The following USP8 variants were observed in gnomAD, a reference collection of about 807,000 sequenced individuals.
USP8 encodes ubiquitin carboxyl-terminal hydrolase 8.
Under a neutral mutation model 130.0 loss-of-function variants are expected in USP8, and 27 were observed. The ratio of observed to expected loss-of-function variants is 0.21; its 90% confidence interval spans 0.15 to 0.29. USP8 has a LOEUF of 0.29. USP8 is among the 10% of genes least tolerant of loss of function. USP8 has a pLI of 1.00. For missense variants in USP8, 1,029 were observed against 1,312.2 expected (o/e 0.78, Z 3.33); for synonymous variants, 392 against 444.1 (o/e 0.88, Z 1.48).
chr15:50,504,542 C>T lies in USP8; in HGVS notation c.*5454C>T, dbSNP rs1371118314. 1 of 152,122 alleles carries T rather than the reference C, an allele frequency of 6.6e-6. No homozygotes were observed. Among genetic ancestry groups the T allele is most frequent in the Admixed American group, 6.6e-5 (1 of 15,240 alleles). 9.4% of individuals were successfully genotyped at this position (152,122 alleles called of 1,614,324 possible). ...TGTCTCAAAAAACAAAAACAAAAAA[C>T]ACCAGAAAAGACACCATTTTATATA... On this transcript the variant is annotated 3_prime_UTR_variant, in exon 20 of 20. Transcript: ENST00000307179.
chr15:50,445,302 T>A (rs534389026), intron 3 of USP8, among the ~76,000 whole-genome samples: 28 of 151,618 alleles, frequency 1.8e-4, no homozygotes, highest in Admixed American at 1.4e-3. Flanking sequence ...TCCCAGCACT[T>A]TGGGAGGCTG....
chr15:50,451,326 G>A (rs1322513430), intron 4 of USP8, among the ~76,000 whole-genome samples: 1 of 152,096 alleles, frequency 6.6e-6, no homozygotes, highest in Non-Finnish European at 1.5e-5. Context: ...CAGGAGAATC[G>A]CTTCAGCCTG....
chr15:50,450,064 T>C (rs991333397), intron 4 of USP8, among the ~76,000 whole-genome samples: 2 of 151,268 alleles, frequency 1.3e-5, no homozygotes, highest in African/African-American at 4.9e-5. Flanking sequence ...CGGCTAATTT[T>C]TTGTATTTTT....
At chr15:50,449,566 A>G in intron 4 of USP8, 81 bp downstream of exon 4, 1 of 1,060,268 alleles carries the variant, frequency 9.4e-7, no homozygotes, top group Non-Finnish European at 1.3e-6. Flanking sequence ...TTTATATCTG[A>G]CGATTCATAT....
chr15:50,496,481 A>T (rs1016697965), intron 17 of USP8, among the ~76,000 whole-genome samples: 1 of 12,836 alleles, frequency 7.8e-5, no homozygotes, highest in Non-Finnish European at 1.4e-4. Flanking sequence ...ACTCCGTCTT[A>T]AAAAAAAAAA....
At chr15:50,497,462 T>TTAAA (rs1265329544) in intron 18 of USP8, 1 of 363,718 alleles carries the variant, frequency 2.7e-6, no homozygotes, top group East Asian at 4.3e-5. Context: ...CCTTATAATT[T>TTAAA]TAAATAATTA....
chr15:50,459,996 C>CTTTTTTTTTTT (rs1555386693), intron 5 of USP8, among the ~76,000 whole-genome samples: 4 of 91,986 alleles, frequency 4.3e-5, no homozygotes, highest in Non-Finnish European at 8.4e-5. Flanking sequence ...CACCCCCCCC[C>CTTTTTTTTTTT]TTTTTTTTTT....
intron 1 of USP8, among the ~76,000 whole-genome samples, chr15:50,426,086 A>T (rs1033315451): frequency 3.2e-4 from 49 of 152,196 alleles, no homozygotes; most frequent in African/African-American, 1.2e-3. Context: ...GCGTCATTGC[A>T]CTCCAGCCTG....
intron 6 of USP8, among the ~76,000 whole-genome samples, chr15:50,463,663 G>A (rs2051087913): frequency 1.3e-5 from 2 of 152,198 alleles, no homozygotes; most frequent in South Asian, 4.1e-4. Context: ...TCAGTGGTTT[G>A]TTAACAACTT....
Position 50,499,072 on chromosome 15 carries a change from CT to C in USP8, c.3342del (p.Asp1115MetfsTer2). 6.2e-7 allele frequency: 1 copy of C among 1,607,886 alleles called. No individual in the cohort carries two copies. The highest frequency in any genetic ancestry group is 8.5e-7 in the Non-Finnish European group (1 of 1,177,104). ...TATACTTCATTGGGACCACGAGTAA[CT>C]GATGTAGCCACATAAGGAGACATAG... ...LFYTSLGPRV[T>X]DVAT On this transcript the variant is annotated frameshift_variant, in exon 20 of 20. Transcript: ENST00000307179. LOFTEE classifies it high-confidence loss of function.
chr15:50,475,932 A>G (rs560394611), intron 8 of USP8, among the ~76,000 whole-genome samples: 241 of 152,224 alleles, frequency 1.6e-3, no homozygotes, highest in Non-Finnish European at 2.4e-3. Context: ...TTAAGTGATC[A>G]TTTCTAAGAT....
In USP8 at chr15:50,504,787, G is replaced by C. The variant is rs1371780894; in HGVS notation, c.*5699G>C. 1 of 151,516 alleles carries C rather than the reference G, an allele frequency of 6.6e-6. No individual in the cohort carries two copies. The highest frequency in any genetic ancestry group is 2.4e-5 in the African/African-American group (1 of 41,122). The allele number at this position is 151,516 out of a possible 1,614,324, so 9.4% of individuals were successfully genotyped here. On this transcript the variant is annotated 3_prime_UTR_variant, in exon 20 of 20. Coordinates refer to ENST00000307179, the MANE Select transcript of USP8 (RefSeq NM_005154.5). ...GAGGTCAGGAGTTCAAGACCAACCT[G>C]GTACACATGGTGAAACCCTGTCTCT...
At position 50,503,849 on chromosome 15, in the gene USP8, C is replaced by T. The variant is rs1009361231; in HGVS notation, c.*4761C>T. On this transcript the variant is annotated 3_prime_UTR_variant, in exon 20 of 20. Transcript: ENST00000307179. ...TCACAATTCAAAATAATAGAACATGCAAGGAAACAATTTATCATAAGAGTC... is the reference window on the plus strand; with the variant it reads ...TCACAATTCAAAATAATAGAACATGTAAGGAAACAATTTATCATAAGAGTC... The T allele has an allele frequency of 6.6e-6, 1 of 152,046 alleles. No homozygotes were observed. Among genetic ancestry groups the T allele is most frequent in the Non-Finnish European group, 1.5e-5 (1 of 68,006 alleles). 9.4% of individuals were successfully genotyped at this position (152,046 alleles called of 1,614,324 possible). A position where few individuals can be genotyped will look rare whatever the true frequency, so the allele number is the denominator to read the frequency against.
intron 12 of USP8, among the ~76,000 whole-genome samples, chr15:50,489,313 A>G (rs1427362036): frequency 6.6e-6 from 1 of 152,170 alleles, no homozygotes; most frequent in Non-Finnish European, 1.5e-5. Flanking sequence ...ATTTGCTAGG[A>G]TACTATAACG....
At chr15:50,439,229 C>G (rs545664035) in intron 2 of USP8, 52 bp downstream of exon 2, 3 of 1,144,846 alleles carry the variant, frequency 2.6e-6, no homozygotes, top group Admixed American at 5.8e-5. Context: ...ATTTTTAGTT[C>G]GTTTCCATAT....
chr15:50,440,669 C>G (rs1244533163), intron 2 of USP8, among the ~76,000 whole-genome samples: 3 of 152,038 alleles, frequency 2.0e-5, no homozygotes, highest in Non-Finnish European at 4.4e-5. Flanking sequence ...GGGTGATGGT[C>G]GACAGTGACA....
chr15:50,424,845 A>G (rs62016939), intron 1 of USP8, among the ~76,000 whole-genome samples: 21,469 of 150,206 alleles, frequency 0.14, 1,994 homozygotes, highest in Middle Eastern at 0.28. Flanking sequence ...TTTTTCTGCA[A>G]TCTGCCTACA....
At chr15:50,428,316 T>C (rs1365187860) in intron 1 of USP8, among the ~76,000 whole-genome samples, 2 of 152,034 alleles carry the variant, frequency 1.3e-5, no homozygotes, top group East Asian at 3.9e-4. Context: ...GGGGTTTCAC[T>C]GTGTTGCCCA....
intron 4 of USP8, among the ~76,000 whole-genome samples, 159 bp downstream of exon 4, chr15:50,449,644 C>T (rs895279305): frequency 3.3e-5 from 5 of 152,078 alleles, no homozygotes; most frequent in Admixed American, 2.0e-4. Flanking sequence ...TGCAGTGGCG[C>T]GATCTCGGCT....
Sources: gnomAD v4.1 joint callset for allele counts (sites outside exome capture counted in the v4.1 genomes callset) on GRCh38, gnomAD v4.1.1 for gene constraint, MANE v1.5 for transcripts, NCBI Gene and HGNC (gene_info 2026-07-23, HGNC 2026-07-21) for gene names.